JPH2: variants seen among roughly 807,000 people sequenced by gnomAD.
The protein encoded by JPH2 is junctophilin-2.
JPH2 carries 38 observed loss-of-function variants against 55.9 expected under a neutral mutation model. That is an observed-to-expected ratio of 0.68 (90% CI 0.52 to 0.89). The LOEUF is 0.89. Among genes scored for constraint, JPH2 ranks in the 40% least tolerant of loss-of-function variants. JPH2 has a pLI of 0.00. For synonymous variants in JPH2, 480 were observed against 472.4 expected, an observed-to-expected ratio of 1.02 and a Z score of -0.21; for missense variants, 964 against 1,037.6, an observed-to-expected ratio of 0.93 and a Z score of 0.97.
chr20:44,151,397 A>T (rs1001268091), intron 2 of JPH2, among the ~76,000 whole-genome samples: 3 of 152,048 alleles, frequency 2.0e-5, no homozygotes, highest in African/African-American at 7.2e-5. Flanking sequence ...CATGCCTGTA[A>T]TCCCAGCTAC....
chr20:44,147,533 C>G (rs529905066), intron 2 of JPH2, among the ~76,000 whole-genome samples: 1 of 152,136 alleles, frequency 6.6e-6, no homozygotes, highest in Non-Finnish European at 1.5e-5. Flanking sequence ...AAAACAAAAA[C>G]GAACAAAACC....
In JPH2 at chr20:44,109,760, A is replaced by G. The variant is rs1048799371; in HGVS notation, c.*3758T>C. ...TTCATATCAGTTTTTCAGGCATGGC[A>G]CCTCCAAAGGTCATCATCTGGGCCT... On this transcript the variant is annotated 3_prime_UTR_variant, in exon 6 of 6. Transcript: ENST00000372980. Among the ~76,000 whole-genome samples the G allele has an allele frequency of 2.6e-5, 4 of 152,074 alleles. No homozygotes were observed. Among genetic ancestry groups the G allele is most frequent in the African/African-American group, 9.7e-5 (4 of 41,394 alleles).
intron 3 of JPH2, 133 bp from the exon 4 acceptor site, chr20:44,116,519 G>T: frequency 9.9e-7 from 1 of 1,005,136 alleles, no homozygotes; most frequent in Non-Finnish European, 1.5e-6. Flanking sequence ...CAAGTGCCAG[G>T]CACTGTTCCA....
At position 44,133,958 on chromosome 20, in the gene JPH2, A is replaced by T. The variant is rs61423872; in HGVS notation, c.1170-15335T>A. On this transcript the variant is annotated intron_variant, in intron 2 of 5. Coordinates refer to ENST00000372980, the MANE Select transcript of JPH2 (RefSeq NM_020433.5). ...TATTTATTATAAATATATATAAATA[A>T]ATATATATTATAATATATAAATATA... Among the ~76,000 whole-genome samples, 21 of 42,126 alleles carry T rather than the reference A, an allele frequency of 5.0e-4. 3 individuals carry two copies. Among genetic ancestry groups the T allele is most frequent in the East Asian group, 9.3e-4 (1 of 1,072 alleles). 27.6% of individuals were successfully genotyped at this position (42,126 alleles called of 152,430 possible).
At chr20:44,127,397 G>A (rs2072284670) in intron 2 of JPH2, among the ~76,000 whole-genome samples, 1 of 151,988 alleles carries the variant, frequency 6.6e-6, no homozygotes, top group Non-Finnish European at 1.5e-5. Flanking sequence ...GTCTTGAGAT[G>A]GCTGTACCAT....
chr20:44,162,787 T>TATACACACAC (rs1311653754), intron 1 of JPH2, among the ~76,000 whole-genome samples: 6 of 41,008 alleles, frequency 1.5e-4, no homozygotes, highest in East Asian at 5.8e-4. Flanking sequence ...TATATATATA[T>TATACACACAC]ACACACACAC....
chr20:44,183,433 G>C (rs1489119823), intron 1 of JPH2, among the ~76,000 whole-genome samples: 2 of 152,212 alleles, frequency 1.3e-5, no homozygotes, highest in Non-Finnish European at 2.9e-5. Flanking sequence ...AAACTCCAGC[G>C]ACCTCGTTAA....
At chr20:44,147,214 T>A (rs764060) in intron 2 of JPH2, among the ~76,000 whole-genome samples, 1 of 151,524 alleles carries the variant, frequency 6.6e-6, no homozygotes, top group Non-Finnish European at 1.5e-5. Context: ...TGTATTCCAG[T>A]GCTGCTTGAA....
At chr20:44,164,646 G>A (rs1033313335) in intron 1 of JPH2, among the ~76,000 whole-genome samples, 1 of 151,884 alleles carries the variant, frequency 6.6e-6, no homozygotes, top group Non-Finnish European at 1.5e-5. Context: ...AAAGCTGTGT[G>A]ACTCCAGTTA....
At chr20:44,183,141 G>A (rs1259249709) in intron 1 of JPH2, among the ~76,000 whole-genome samples, 1 of 152,100 alleles carries the variant, frequency 6.6e-6, no homozygotes, top group East Asian at 1.9e-4. Context: ...GACATTCTAC[G>A]CATGCCTACA....
rs2072841818 is a variant in JPH2, at chr20:44,186,367, G to A, written c.339C>T (p.Gly113=). Residue 113 remains glycine, a synonymous_variant, in exon 1 of 6, where the codon GGC becomes GGT. Coordinates refer to ENST00000372980, the MANE Select transcript of JPH2 (RefSeq NM_020433.5). ...GAKYEGTWNN[G]LQDGYGTETY... ...TCTCGGTGCCATAGCCGTCTTGCAG[G>A]CCATTGTTCCAGGTGCCCTCATACT... 6.2e-7 allele frequency: 1 copy of A among 1,611,094 alleles called. No homozygotes were observed. Among genetic ancestry groups the A allele is most frequent in the Non-Finnish European group, 8.5e-7 (1 of 1,179,330 alleles).
chr20:44,165,152 G>C (rs2018604), intron 1 of JPH2, among the ~76,000 whole-genome samples: 1 of 151,878 alleles, frequency 6.6e-6, no homozygotes, highest in African/African-American at 2.4e-5. Context: ...TTCTGCATTT[G>C]AATTGTGCTG....
chr20:44,114,897 C>T, intron 4 of JPH2, 21 bp from the exon 5 acceptor site: 2 of 1,578,186 alleles, frequency 1.3e-6, no homozygotes, highest in Non-Finnish European at 8.6e-7. Context: ...TGGAGAGAGG[C>T]TTCCTGAGTC....
At chr20:44,115,227 C>T (rs2072178914) in intron 4 of JPH2, among the ~76,000 whole-genome samples, 2 of 152,276 alleles carry the variant, frequency 1.3e-5, no homozygotes, top group South Asian at 4.1e-4. Flanking sequence ...TTCCTAGCTC[C>T]CTGCCTCCCA....
chr20:44,120,421 C>CA (rs998006383), intron 2 of JPH2, among the ~76,000 whole-genome samples: 17 of 152,306 alleles, frequency 1.1e-4, no homozygotes, highest in African/African-American at 3.6e-4. Flanking sequence ...AAAGTAATAA[C>CA]AGTCCAATTT....
chr20:44,149,171 C>T (rs1179179524), intron 2 of JPH2, among the ~76,000 whole-genome samples: 5 of 152,278 alleles, frequency 3.3e-5, no homozygotes, highest in Middle Eastern at 3.4e-3. Context: ...AGCCCAGCCT[C>T]CTGATGGTGC....
At chr20:44,119,471 C>A (rs2072219128) in intron 2 of JPH2, among the ~76,000 whole-genome samples, 1 of 152,210 alleles carries the variant, frequency 6.6e-6, no homozygotes, top group Non-Finnish European at 1.5e-5. Flanking sequence ...GATCCCTTCA[C>A]TGGGCAAATG....
At chr20:44,182,707 G>A (rs1467721540) in intron 1 of JPH2, among the ~76,000 whole-genome samples, 4 of 152,178 alleles carry the variant, frequency 2.6e-5, no homozygotes, top group East Asian at 1.9e-4. Context: ...TTCCTCTTCC[G>A]CCTCTGTTAG....
intron 1 of JPH2, among the ~76,000 whole-genome samples, chr20:44,168,170 G>A (rs1489092386): frequency 1.3e-5 from 2 of 152,150 alleles, no homozygotes; most frequent in African/African-American, 4.8e-5. Context: ...AGATGAAAAG[G>A]AGCCACACAG....
Sources: allele counts gnomAD v4.1 joint callset (sites outside exome capture counted in the v4.1 genomes callset), GRCh38; gene constraint gnomAD v4.1.1; transcripts MANE v1.5; gene names NCBI Gene and HGNC (gene_info 2026-07-23, HGNC 2026-07-21).